PHACTR1: variants seen among roughly 807,000 people sequenced by gnomAD.
PHACTR1 encodes phosphatase and actin regulator 1.
PHACTR1 carries 16 observed loss-of-function variants against 69.2 expected under a neutral mutation model. That is an observed-to-expected ratio of 0.23 (90% CI 0.16 to 0.35). The LOEUF is 0.35. Among genes scored for constraint, PHACTR1 ranks in the 10% least tolerant of loss-of-function variants. PHACTR1 has a pLI of 1.00. For missense variants in PHACTR1, 510 were observed against 734.7 expected, an observed-to-expected ratio of 0.69 and a Z score of 3.54; for synonymous variants, 312 against 284.5, an observed-to-expected ratio of 1.10 and a Z score of -0.97.
intron 4 of PHACTR1, among the ~76,000 whole-genome samples, chr6:12,893,199 A>T (rs1231444604): frequency 6.6e-6 from 1 of 152,192 alleles, no homozygotes; most frequent in Non-Finnish European, 1.5e-5. Context: ...CATGAAAACC[A>T]GGGCTCCAAG....
At chr6:13,164,410 G>A (rs578167427) in intron 6 of PHACTR1, among the ~76,000 whole-genome samples, 2 of 152,086 alleles carry the variant, frequency 1.3e-5, no homozygotes, top group South Asian at 2.1e-4. Flanking sequence ...TTGTGTTAGC[G>A]CACATGACTC....
intron 4 of PHACTR1, among the ~76,000 whole-genome samples, chr6:12,827,778 A>G (rs1455876090): frequency 6.6e-6 from 1 of 152,244 alleles, no homozygotes; most frequent in Non-Finnish European, 1.5e-5. Context: ...TACTAATGAT[A>G]TAAAGAAAGC....
At chr6:13,007,250 T>C (rs909631055) in intron 4 of PHACTR1, among the ~76,000 whole-genome samples, 1 of 152,200 alleles carries the variant, frequency 6.6e-6, no homozygotes, top group African/African-American at 2.4e-5. Context: ...TCTGGTACTT[T>C]TATTTCTATA....
intron 4 of PHACTR1, among the ~76,000 whole-genome samples, chr6:12,883,371 C>T (rs1001182189): frequency 2.0e-5 from 3 of 152,156 alleles, no homozygotes; most frequent in Admixed American, 6.5e-5. Context: ...CCCGCCACCA[C>T]GCCCAGCTAA....
At chr6:13,063,649 G>T (rs371950491) in intron 5 of PHACTR1, among the ~76,000 whole-genome samples, 35 of 151,974 alleles carry the variant, frequency 2.3e-4, no homozygotes, top group Non-Finnish European at 4.7e-4. Flanking sequence ...GTGTGATGGC[G>T]CATGCCTGTA....
chr6:12,997,670 A>T (rs943293024), intron 4 of PHACTR1, among the ~76,000 whole-genome samples: 4 of 152,176 alleles, frequency 2.6e-5, no homozygotes, highest in Admixed American at 2.6e-4. Context: ...TATACAACAC[A>T]TTGGCCAGGA....
chr6:13,281,270 T>TG, intron 12 of PHACTR1: 1 of 503,666 alleles, frequency 2.0e-6, no homozygotes, highest in Non-Finnish European at 3.1e-6. Flanking sequence ...AATAACCCTT[T>TG]GGGCCGGGCT....
chr6:13,176,197 A>G (rs1329864161), intron 6 of PHACTR1, among the ~76,000 whole-genome samples: 1 of 152,220 alleles, frequency 6.6e-6, no homozygotes, highest in Non-Finnish European at 1.5e-5. Context: ...AATAAATGTA[A>G]GCATCTTGCA....
chr6:13,032,956 T>C (rs953547916), intron 4 of PHACTR1, among the ~76,000 whole-genome samples: 3 of 152,166 alleles, frequency 2.0e-5, no homozygotes, highest in Non-Finnish European at 4.4e-5. Context: ...TTGGTCAAAA[T>C]TTCCCGTTAG....
At chr6:13,002,487 AT>A (rs1798209759) in intron 4 of PHACTR1, among the ~76,000 whole-genome samples, 1 of 152,150 alleles carries the variant, frequency 6.6e-6, no homozygotes, top group Admixed American at 6.5e-5. Flanking sequence ...TGTCTTCTAT[AT>A]TACCCTCAGG....
chr6:13,101,101 A>G (rs1211506342), intron 5 of PHACTR1, among the ~76,000 whole-genome samples: 1 of 152,238 alleles, frequency 6.6e-6, no homozygotes, highest in African/African-American at 2.4e-5. Context: ...ACCACAGACC[A>G]TAAGTAATTT....
At chr6:13,272,665 G>A (rs1777997785) in intron 10 of PHACTR1, 195 bp from the exon 11 acceptor site, 2 of 1,479,394 alleles carry the variant, frequency 1.4e-6, no homozygotes, top group African/African-American at 2.8e-5. Flanking sequence ...GCTGTGACAT[G>A]ACGCACGTGC....
chr6:13,071,427 C>CA lies in PHACTR1; in HGVS notation c.415+17908dup, dbSNP rs539568998. 1.1e-3 allele frequency among the ~76,000 whole-genome samples: 158 copies of CA among 146,258 alleles called. 1 individual carries two copies. In the East Asian group the frequency reaches 0.016, roughly 15 times the overall value. ...TGGGTGACAGAGTGAGACTCCATCTCAAAAAAAAAAGAAAGTTGTACACCA... is the reference window on the plus strand; with the variant it reads ...TGGGTGACAGAGTGAGACTCCATCTCAAAAAAAAAAAGAAAGTTGTACACCA... On this transcript the variant is annotated intron_variant, in intron 5 of 14. Transcript: ENST00000332995.
intron 4 of PHACTR1, among the ~76,000 whole-genome samples, chr6:12,851,195 C>G (rs149834910): frequency 6.6e-6 from 1 of 152,272 alleles, no homozygotes; most frequent in African/African-American, 2.4e-5. Flanking sequence ...GACTGATCAA[C>G]AAGAATTGTA....
chr6:12,939,239 G>A (rs1229901387), intron 4 of PHACTR1, among the ~76,000 whole-genome samples: 1 of 152,106 alleles, frequency 6.6e-6, no homozygotes, highest in Non-Finnish European at 1.5e-5. Context: ...GATGTCACTT[G>A]GTCTCTCCAT....
At chr6:13,077,550 G>A (rs188169394) in intron 5 of PHACTR1, among the ~76,000 whole-genome samples, 2 of 152,324 alleles carry the variant, frequency 1.3e-5, no homozygotes, top group Non-Finnish European at 2.9e-5. Flanking sequence ...ACAGGCAACT[G>A]CTGGGAGATA....
At chr6:13,056,972 G>A (rs1806877997) in intron 5 of PHACTR1, among the ~76,000 whole-genome samples, 1 of 152,198 alleles carries the variant, frequency 6.6e-6, no homozygotes, top group Non-Finnish European at 1.5e-5. Context: ...GAAGGCCAAA[G>A]TCAGGCTCAG....
chr6:12,979,431 G>C (rs1795249580), intron 4 of PHACTR1, among the ~76,000 whole-genome samples: 1 of 152,138 alleles, frequency 6.6e-6, no homozygotes, highest in South Asian at 2.1e-4. Flanking sequence ...GTAGCTATGA[G>C]AGAATAGTTG....
intron 5 of PHACTR1, among the ~76,000 whole-genome samples, chr6:13,069,344 T>C (rs2127769808): frequency 6.6e-6 from 1 of 152,294 alleles, no homozygotes; most frequent in South Asian, 2.1e-4. Context: ...ACCAATAATT[T>C]ATTTTCTATT....
Sources: gnomAD v4.1 joint callset for allele counts (sites outside exome capture counted in the v4.1 genomes callset) on GRCh38, gnomAD v4.1.1 for gene constraint, MANE v1.5 for transcripts, NCBI Gene and HGNC (gene_info 2026-07-23, HGNC 2026-07-21) for gene names.